The following COL19A1 variants were observed in gnomAD, a reference collection of about 807,000 sequenced individuals.
The protein encoded by COL19A1 is collagen alpha-1(XIX) chain.
COL19A1 carries 159 observed loss-of-function variants against 190.2 expected under a neutral mutation model. That is an observed-to-expected ratio of 0.84 (90% CI 0.73 to 0.95). The LOEUF (loss-of-function observed/expected upper bound fraction) is 0.95. Among genes scored for constraint, COL19A1 ranks in the 40% least tolerant of loss-of-function variants. COL19A1 has a pLI of 0.00. For missense variants in COL19A1, 1,418 were observed against 1,431.9 expected, an observed-to-expected ratio of 0.99 and a Z score of 0.16; for synonymous variants, 509 against 458.9, an observed-to-expected ratio of 1.11 and a Z score of -1.39.
chr6:70,053,208 T>C (rs1780305723), intron 14 of COL19A1, among the ~76,000 whole-genome samples: 1 of 152,228 alleles, frequency 6.6e-6, no homozygotes, highest in Non-Finnish European at 1.5e-5. Flanking sequence ...ATATGCACTC[T>C]ATATCTGAGA....
intron 15 of COL19A1, among the ~76,000 whole-genome samples, chr6:70,071,839 G>A (rs1386711262): frequency 1.3e-5 from 2 of 152,078 alleles, no homozygotes; most frequent in African/African-American, 2.4e-5. Flanking sequence ...ACAGAAGAGC[G>A]GTTCTAGATT....
In COL19A1 at chr6:70,199,602, A is replaced by G; in HGVS notation, c.3095-6A>G. 6.4e-7 allele frequency: 1 copy of G among 1,555,440 alleles called. No homozygotes were observed. Among genetic ancestry groups the G allele is most frequent in the Non-Finnish European group, 8.7e-7 (1 of 1,148,516 alleles). On this transcript the variant is annotated splice_region_variant and splice_polypyrimidine_tract_variant and intron_variant, in intron 48 of 50. Coordinates refer to ENST00000620364, the MANE Select transcript of COL19A1 (RefSeq NM_001858.6). Reference sequence around the variant, plus strand: ...TGATATATTATTTTTTCTTCTATACATGAAGAGAGGATGGCTGTATTCCTA... The same window carrying G: ...TGATATATTATTTTTTCTTCTATACGTGAAGAGAGGATGGCTGTATTCCTA...
At chr6:70,151,677 G>A (rs774387754) in intron 31 of COL19A1, among the ~76,000 whole-genome samples, 3 of 152,062 alleles carry the variant, frequency 2.0e-5, no homozygotes, top group Non-Finnish European at 2.9e-5. Flanking sequence ...AGGGGTGGAG[G>A]GCAGCTGGTA....
At position 69,921,644 on chromosome 6, in the gene COL19A1, A is replaced by G. The variant is rs191680908; in HGVS notation, c.267-6265A>G. Among the ~76,000 whole-genome samples the G allele has an allele frequency of 6.3e-4, 92 of 147,176 alleles. 1 individual carries two copies. In the East Asian group the frequency reaches 0.018, roughly 29 times the overall value. ...CGTATATAGATTCGTATATATTCGT[A>G]TATAGATTCGTATATATTCGTATGT... is the stretch of plus-strand genomic sequence containing the variant. On this transcript the variant is annotated intron_variant, in intron 4 of 50. Transcript: ENST00000620364.
intron 48 of COL19A1, 51 bp downstream of exon 48, chr6:70,190,432 C>A (rs1430988593): frequency 8.3e-7 from 1 of 1,203,722 alleles, no homozygotes; most frequent in South Asian, 1.3e-5. Context: ...TCCCACCTCC[C>A]ACCTACTATG....
intron 1 of COL19A1, chr6:69,867,403 G>C (rs1767532711): frequency 1.3e-5 from 2 of 155,118 alleles, no homozygotes; most frequent in Non-Finnish European, 2.9e-5. Flanking sequence ...CGCCGCCGCC[G>C]CCGGAACGTC....
At chr6:69,908,634 GATGTA>G (rs1199699527) in intron 4 of COL19A1, among the ~76,000 whole-genome samples, 7 of 152,050 alleles carry the variant, frequency 4.6e-5, no homozygotes, top group African/African-American at 1.4e-4. Flanking sequence ...TAGCTATTAA[GATGTA>G]ATGTAATATG....
chr6:70,200,508 A>G (rs1181713501), intron 49 of COL19A1, among the ~76,000 whole-genome samples: 1 of 152,236 alleles, frequency 6.6e-6, no homozygotes, highest in Non-Finnish European at 1.5e-5. Flanking sequence ...TAAGACCAGG[A>G]AAACTGCTTC....
At chr6:70,077,551 C>T (rs1022131372) in intron 15 of COL19A1, among the ~76,000 whole-genome samples, 8 of 151,992 alleles carry the variant, frequency 5.3e-5, no homozygotes, top group Non-Finnish European at 1.0e-4. Context: ...TATGTATGTA[C>T]ATGTATGTAA....
At chr6:70,019,583 T>G (rs1166045313) in intron 11 of COL19A1, among the ~76,000 whole-genome samples, 2 of 152,166 alleles carry the variant, frequency 1.3e-5, no homozygotes, top group Non-Finnish European at 2.9e-5. Flanking sequence ...AGTTTTATCA[T>G]AGAATGGCTA....
At chr6:69,913,572 A>G (rs867574585) in intron 4 of COL19A1, among the ~76,000 whole-genome samples, 3 of 152,294 alleles carry the variant, frequency 2.0e-5, no homozygotes, top group Middle Eastern at 3.4e-3. Flanking sequence ...ATGTTGTGGT[A>G]GTTAGAGGGA....
At chr6:70,047,317 G>A (rs1779965597) in intron 14 of COL19A1, among the ~76,000 whole-genome samples, 2 of 152,146 alleles carry the variant, frequency 1.3e-5, no homozygotes, top group Middle Eastern at 3.4e-3. Context: ...AATTTACAAG[G>A]CAGATATACG....
chr6:70,209,637 T>C lies in COL19A1; in HGVS notation c.*2363T>C, dbSNP rs1768077048. 1 of 152,198 alleles carries C rather than the reference T, an allele frequency of 6.6e-6. No individual in the cohort carries two copies. Among genetic ancestry groups the C allele is most frequent in the Admixed American group, 6.5e-5 (1 of 15,270 alleles). 9.4% of individuals were successfully genotyped at this position (152,198 alleles called of 1,614,324 possible). A position where few individuals can be genotyped will look rare whatever the true frequency, so the allele number is the denominator to read the frequency against. On this transcript the variant is annotated 3_prime_UTR_variant, in exon 51 of 51. Transcript: ENST00000620364. ...GGTAATTTGATGGGATGGGGAAATA[T>C]AATATTGTGTGATGCATATTACAAA... is the stretch of plus-strand genomic sequence containing the variant.
At chr6:70,082,805 TG>T (rs1782344214) in intron 15 of COL19A1, among the ~76,000 whole-genome samples, 1 of 152,186 alleles carries the variant, frequency 6.6e-6, no homozygotes, top group Admixed American at 6.5e-5. Context: ...TTTCAAGGAC[TG>T]GGGTTGAAGA....
intron 15 of COL19A1, among the ~76,000 whole-genome samples, chr6:70,088,849 T>C (rs1189950301): frequency 1.3e-5 from 2 of 152,214 alleles, no homozygotes; most frequent in Non-Finnish European, 2.9e-5. Flanking sequence ...TCTTTATTTT[T>C]CCCATTCATT....
chr6:69,923,833 G>C (rs978164151), intron 4 of COL19A1, among the ~76,000 whole-genome samples: 2 of 152,140 alleles, frequency 1.3e-5, no homozygotes, highest in Admixed American at 6.5e-5. Context: ...GAACATTTAA[G>C]GTATTTTCTG....
At chr6:69,893,996 C>T (rs1343192747) in intron 2 of COL19A1, among the ~76,000 whole-genome samples, 1 of 150,914 alleles carries the variant, frequency 6.6e-6, no homozygotes, top group Non-Finnish European at 1.5e-5. Flanking sequence ...CCTTTCTGAA[C>T]CAAACCAATG....
intron 2 of COL19A1, among the ~76,000 whole-genome samples, chr6:69,885,177 T>A (rs1768832456): frequency 6.6e-6 from 1 of 152,190 alleles, no homozygotes; most frequent in Admixed American, 6.5e-5. Flanking sequence ...TTGGCTCTTT[T>A]CAGTACCCCC....
chr6:70,168,659 CA>C lies in COL19A1; in HGVS notation c.2550del (p.Gly851AlafsTer17). ...SYPGPPGPPG[P>X]KGDPGPVGEP... ...CTTTCCATGTTTCTCTTACAGGGCC[CA>C]AAAGGCGATCCTGGCCCAGTGGTAT... On this transcript the variant is annotated frameshift_variant, in exon 40 of 51. Coordinates refer to ENST00000620364, the MANE Select transcript of COL19A1 (RefSeq NM_001858.6). LOFTEE classifies it high-confidence loss of function. 2 of 1,612,640 alleles carry C rather than the reference CA, an allele frequency of 1.2e-6. No homozygotes were observed. The highest frequency in any genetic ancestry group is 1.7e-6 in the Non-Finnish European group (2 of 1,179,396).
Sources: allele counts gnomAD v4.1 joint callset (sites outside exome capture counted in the v4.1 genomes callset), GRCh38; gene constraint gnomAD v4.1.1; transcripts MANE v1.5; gene names NCBI Gene and HGNC (gene_info 2026-07-23, HGNC 2026-07-21).